TANGO6: variants seen among roughly 807,000 people sequenced by gnomAD.
TANGO6 encodes transport and golgi organization 6 homolog.
Under a neutral mutation model 114.2 loss-of-function variants are expected in TANGO6, and 90 were observed. That is an observed-to-expected ratio of 0.79 (90% CI 0.66 to 0.94). The LOEUF (loss-of-function observed/expected upper bound fraction) is 0.94. Among genes scored for constraint, TANGO6 ranks in the 40% least tolerant of loss-of-function variants. TANGO6 has a pLI of 0.00. For missense variants in TANGO6, 1,274 were observed against 1,315.3 expected, an observed-to-expected ratio of 0.97 and a Z score of 0.49; for synonymous variants, 477 against 509.8, an observed-to-expected ratio of 0.94 and a Z score of 0.87.
intron 1 of TANGO6, among the ~76,000 whole-genome samples, chr16:68,851,827 G>A (rs1238223772): frequency 1.3e-5 from 2 of 152,132 alleles, no homozygotes; most frequent in African/African-American, 4.8e-5. Context: ...GCTACAGAAT[G>A]TGTTATAAAA....
At chr16:68,997,493 G>A (rs1238122424) in intron 15 of TANGO6, among the ~76,000 whole-genome samples, 3 of 152,222 alleles carry the variant, frequency 2.0e-5, no homozygotes, top group Non-Finnish European at 4.4e-5. Context: ...GACTGTCATG[G>A]TACTGGTGGG....
intron 16 of TANGO6, among the ~76,000 whole-genome samples, chr16:69,030,712 A>G (rs1287975775): frequency 6.6e-6 from 1 of 152,014 alleles, no homozygotes; most frequent in Non-Finnish European, 1.5e-5. Flanking sequence ...TGACACAAAG[A>G]AAAGCATCGT....
At chr16:68,853,273 G>C (rs1301317381) in intron 1 of TANGO6, among the ~76,000 whole-genome samples, 2 of 141,250 alleles carry the variant, frequency 1.4e-5, no homozygotes, top group African/African-American at 5.3e-5. Context: ...GCGAGACTCT[G>C]TCTAAAAAAA....
chr16:68,987,861 G>C (rs1028643885), intron 15 of TANGO6, among the ~76,000 whole-genome samples: 1 of 152,174 alleles, frequency 6.6e-6, no homozygotes, highest in Non-Finnish European at 1.5e-5. Flanking sequence ...TGTGGGAAAA[G>C]AATTTGTTTT....
At chr16:69,018,602 G>A (rs953306275) in intron 15 of TANGO6, among the ~76,000 whole-genome samples, 1 of 151,102 alleles carries the variant, frequency 6.6e-6, no homozygotes, top group Non-Finnish European at 1.5e-5. Flanking sequence ...TTTTTCCTAT[G>A]CATTTGAATA....
At chr16:69,049,164 T>A (rs992040212) in intron 17 of TANGO6, among the ~76,000 whole-genome samples, 1 of 152,182 alleles carries the variant, frequency 6.6e-6, no homozygotes. Context: ...AGTGGTGCAA[T>A]GCTCATCAAT....
rs566369661 is a variant in TANGO6 at position 68,966,485 on chromosome 16, C to T, written c.2702-7543C>T. 6.6e-5 allele frequency among the ~76,000 whole-genome samples: 10 copies of T among 150,780 alleles called. No individual in the cohort carries two copies. The South Asian group carries it at 2.1e-3, about 31-fold the overall frequency. On this transcript the variant is annotated intron_variant, in intron 14 of 17. Coordinates refer to ENST00000261778, the MANE Select transcript of TANGO6 (RefSeq NM_024562.2). ...CACCACTGCACGCCAGCCTGGGCAA[C>T]AATGTGAGACTCCATCTCAAAAAAA...
intron 17 of TANGO6, among the ~76,000 whole-genome samples, chr16:69,070,112 G>T (rs532671733): frequency 4.5e-4 from 68 of 151,904 alleles, no homozygotes; most frequent in South Asian, 1.7e-3. Flanking sequence ...GGAGGCTGAG[G>T]CAGGAGAATC....
intron 14 of TANGO6, among the ~76,000 whole-genome samples, chr16:68,968,211 G>T (rs765228258): frequency 6.6e-6 from 1 of 150,716 alleles, no homozygotes; most frequent in Non-Finnish European, 1.5e-5. Context: ...GACTACAGGC[G>T]CACGCCACCA....
chr16:68,953,054 TTATTA>T (rs1963488673), intron 14 of TANGO6, among the ~76,000 whole-genome samples: 2 of 59,112 alleles, frequency 3.4e-5, no homozygotes, highest in Admixed American at 1.8e-4. Context: ...GTATTTTTTA[TTATTA>T]TTATTATTAT....
Position 68,867,046 on chromosome 16 carries a change from C to G in TANGO6, c.853-33C>G, listed in dbSNP as rs376076715. ...CCGGCCATCATATCTATTTCAGTGA[C>G]ATTCAGAATTCACACCTTCTTCTTT... On this transcript the variant is annotated intron_variant, in intron 3 of 17. Coordinates refer to ENST00000261778, the MANE Select transcript of TANGO6 (RefSeq NM_024562.2). 272 of 1,342,434 alleles carry G rather than the reference C, an allele frequency of 2.0e-4. No homozygotes were observed. The Middle Eastern group carries it at 4.8e-3, about 24-fold the overall frequency. The allele number at this position is 1,342,434 out of a possible 1,614,324, so 83.2% of individuals were successfully genotyped here. A position where few individuals can be genotyped will look rare whatever the true frequency, so the allele number is the denominator to read the frequency against.
At chr16:68,945,660 C>T (rs546368697) in intron 14 of TANGO6, among the ~76,000 whole-genome samples, 3 of 151,052 alleles carry the variant, frequency 2.0e-5, no homozygotes, top group African/African-American at 7.3e-5. Flanking sequence ...TGTAAATCTT[C>T]ATTAGAGAAG....
At chr16:69,041,467 T>C (rs1307899725) in intron 17 of TANGO6, among the ~76,000 whole-genome samples, 2 of 151,648 alleles carry the variant, frequency 1.3e-5, no homozygotes, top group Non-Finnish European at 2.9e-5. Context: ...AAAAAGTGAT[T>C]GTTTTATCAC....
chr16:68,926,362 C>T (rs1490985110), intron 12 of TANGO6, among the ~76,000 whole-genome samples: 1 of 151,452 alleles, frequency 6.6e-6, no homozygotes, highest in Non-Finnish European at 1.5e-5. Context: ...GGCATGGTGG[C>T]GTGTGCCTGT....
intron 17 of TANGO6, among the ~76,000 whole-genome samples, chr16:69,054,334 A>ACCTGGAT (rs1959999089): frequency 2.0e-5 from 3 of 152,322 alleles, no homozygotes. Context: ...AGAGAGTAGT[A>ACCTGGAT]GAAGAGGGCT....
At chr16:68,951,187 G>A (rs1320050098) in intron 14 of TANGO6, among the ~76,000 whole-genome samples, 2 of 151,904 alleles carry the variant, frequency 1.3e-5, no homozygotes, top group Admixed American at 6.6e-5. Flanking sequence ...GCCGGGTGTG[G>A]TAGCGCATGC....
intron 5 of TANGO6, 90 bp downstream of exon 5, chr16:68,875,380 A>G (rs1962338267): frequency 1.4e-6 from 2 of 1,435,890 alleles, no homozygotes; most frequent in East Asian, 4.8e-5. Context: ...ATTGAGATAA[A>G]AGCAGTATAA....
chr16:68,883,534 A>G (rs1243199758), intron 7 of TANGO6, among the ~76,000 whole-genome samples: 1 of 152,148 alleles, frequency 6.6e-6, no homozygotes, highest in Non-Finnish European at 1.5e-5. Context: ...TTGTTTATCT[A>G]TTCATCAGTA....
intron 15 of TANGO6, among the ~76,000 whole-genome samples, chr16:69,016,027 C>T (rs1262221413): frequency 6.6e-6 from 1 of 152,174 alleles, no homozygotes; most frequent in African/African-American, 2.4e-5. Context: ...AGAGCTCTTC[C>T]CTGAGCCCTC....
Sources: gnomAD v4.1 joint callset for allele counts (sites outside exome capture counted in the v4.1 genomes callset) on GRCh38, gnomAD v4.1.1 for gene constraint, MANE v1.5 for transcripts, NCBI Gene and HGNC (gene_info 2026-07-23, HGNC 2026-07-21) for gene names.